GLT8D2: variants seen among roughly 807,000 people sequenced by gnomAD.
GLT8D2 encodes glycosyltransferase 8 domain containing 2.
Under a neutral mutation model 44.5 loss-of-function variants are expected in GLT8D2, and 45 were observed. The ratio of observed to expected loss-of-function variants is 1.01; its 90% confidence interval spans 0.80 to 1.30. The LOEUF (loss-of-function observed/expected upper bound fraction) is 1.30, where lower values mean the gene tolerates loss of function less well. GLT8D2 is among the 50% of genes most tolerant of loss of function. The pLI is 0.00. For synonymous variants in GLT8D2, 156 were observed against 157.2 expected (o/e 0.99, Z 0.06); for missense variants, 400 against 430.4 (o/e 0.93, Z 0.62).
At chr12:104,039,706 A>G (rs955057273) in intron 1 of GLT8D2, among the ~76,000 whole-genome samples, 5 of 152,198 alleles carry the variant, frequency 3.3e-5, no homozygotes, top group African/African-American at 9.7e-5. Context: ...TGGGAGTGTA[A>G]ACTGGTTCAA....
At chr12:103,997,214 G>T (rs1032165548) in intron 7 of GLT8D2, among the ~76,000 whole-genome samples, 4 of 152,200 alleles carry the variant, frequency 2.6e-5, no homozygotes, top group African/African-American at 9.7e-5. Flanking sequence ...ACAGGGAAAG[G>T]AAAGGCTACC....
chr12:104,062,618 C>T (rs141973321), intron 1 of GLT8D2, among the ~76,000 whole-genome samples: 1 of 152,130 alleles, frequency 6.6e-6, no homozygotes, highest in Non-Finnish European at 1.5e-5. Context: ...TTTTCTTCCA[C>T]TGGACTTGTA....
Position 104,003,378 on chromosome 12 carries a change from A to G in GLT8D2, c.113-72T>C, listed in dbSNP as rs1874516506. On this transcript the variant is annotated intron_variant, in intron 4 of 10. Coordinates refer to ENST00000360814, the MANE Select transcript of GLT8D2 (RefSeq NM_001384711.1). Reference sequence around the variant, plus strand: ...GTAGAGCCAGTTTAATGCATCTTCCATACTCCTGGGGGAAGATGGCATAGT... The same window carrying G: ...GTAGAGCCAGTTTAATGCATCTTCCGTACTCCTGGGGGAAGATGGCATAGT... 13 of 1,303,876 alleles carry G rather than the reference A, an allele frequency of 1.0e-5. No homozygotes were observed. In the Admixed American group the frequency reaches 1.4e-4, roughly 14 times the overall value. 80.8% of individuals were successfully genotyped at this position (1,303,876 alleles called of 1,614,324 possible). A position where few individuals can be genotyped will look rare whatever the true frequency, so the allele number is the denominator to read the frequency against.
At chr12:104,008,829 C>T (rs1198121769) in intron 4 of GLT8D2, among the ~76,000 whole-genome samples, 7 of 152,264 alleles carry the variant, frequency 4.6e-5, no homozygotes, top group Non-Finnish European at 8.8e-5. Flanking sequence ...CAACATAGGG[C>T]TTGCGCCATG....
chr12:104,012,170 CAA>C (rs10571369), intron 4 of GLT8D2, among the ~76,000 whole-genome samples: 11,235 of 82,306 alleles, frequency 0.14, 514 homozygotes, highest in East Asian at 0.21. Context: ...AACTCTGTCT[CAA>C]AAAAAAAAAA....
At chr12:103,990,559 G>T (rs1872633495) in intron 10 of GLT8D2, among the ~76,000 whole-genome samples, 1 of 152,070 alleles carries the variant, frequency 6.6e-6, no homozygotes, top group African/African-American at 2.4e-5. Flanking sequence ...CCATGAAAAG[G>T]AATTTGATAT....
intron 10 of GLT8D2, among the ~76,000 whole-genome samples, chr12:103,990,293 A>G (rs1872596619): frequency 6.6e-6 from 1 of 151,894 alleles, no homozygotes; most frequent in Non-Finnish European, 1.5e-5. Context: ...CACCTCCTTA[A>G]TGAAAAATGG....
chr12:104,016,878 GAAAGAAAAAT>G lies in GLT8D2; in HGVS notation c.20-1783_20-1774del, dbSNP rs1566199955. Among the ~76,000 whole-genome samples the G allele has an allele frequency of 5.2e-3, 735 of 141,820 alleles. 10 individuals carry two copies. The highest frequency in any genetic ancestry group is 9.8e-3 in the African/African-American group (364 of 37,324). The allele number at this position is 141,820 out of a possible 152,430, so 93.0% of individuals were successfully genotyped here. ...AGAAAGAAAGAAAGAAAGAAAGAAA[GAAAGAAAAAT>G]AAAGAGAGAAAGAAAGAAAGGAAGA... On this transcript the variant is annotated intron_variant, in intron 3 of 10. Transcript: ENST00000360814.
At chr12:103,995,652 T>C (rs1424576974) in intron 8 of GLT8D2, among the ~76,000 whole-genome samples, 1 of 152,248 alleles carries the variant, frequency 6.6e-6, no homozygotes, top group African/African-American at 2.4e-5. Context: ...TTTTGCTCAC[T>C]ATATTACTAG....
chr12:104,032,439 G>A (rs1879373042), intron 1 of GLT8D2, among the ~76,000 whole-genome samples: 1 of 92,682 alleles, frequency 1.1e-5, no homozygotes, highest in Non-Finnish European at 2.0e-5. Context: ...TTCCATATCA[G>A]TATAATAAAG....
chr12:104,050,771 G>T (rs971833980), upstream of GLT8D2, among the ~76,000 whole-genome samples: 1 of 151,876 alleles, frequency 6.6e-6, no homozygotes, highest in African/African-American at 2.4e-5. Context: ...TCTTTCTAAA[G>T]TGGTGCTCTC....
intron 1 of GLT8D2, among the ~76,000 whole-genome samples, chr12:104,038,058 A>C (rs1005560125): frequency 6.6e-6 from 1 of 152,234 alleles, no homozygotes; most frequent in African/African-American, 2.4e-5. Context: ...TGATTATTTC[A>C]ATAGATGCAG....
chr12:104,006,570 A>T (rs992039169), intron 4 of GLT8D2, among the ~76,000 whole-genome samples: 1 of 152,068 alleles, frequency 6.6e-6, no homozygotes, highest in East Asian at 1.9e-4. Flanking sequence ...ATGCCTCAGG[A>T]CCTTTTAGAC....
At chr12:104,019,744 G>A in intron 2 of GLT8D2, 68 bp from the exon 3 acceptor site, 1 of 965,554 alleles carries the variant, frequency 1.0e-6, no homozygotes, top group Non-Finnish European at 1.6e-6. Flanking sequence ...CAAGTGTTAA[G>A]GACTATGCCT....
intron 3 of GLT8D2, among the ~76,000 whole-genome samples, chr12:104,018,674 G>C (rs1233127099): frequency 1.3e-5 from 2 of 152,164 alleles, no homozygotes; most frequent in African/African-American, 4.8e-5. Flanking sequence ...AGGAGTTCAA[G>C]ACTAGCCTGG....
chr12:104,041,652 C>T (rs1880567275), intron 1 of GLT8D2, among the ~76,000 whole-genome samples: 1 of 152,144 alleles, frequency 6.6e-6, no homozygotes, highest in Non-Finnish European at 1.5e-5. Flanking sequence ...TAGGGGGTTC[C>T]CTTGACATTT....
intron 1 of GLT8D2, among the ~76,000 whole-genome samples, chr12:104,032,713 G>A (rs1879449091): frequency 6.6e-6 from 1 of 152,010 alleles, no homozygotes; most frequent in African/African-American, 2.4e-5. Flanking sequence ...ATTGCTAGTG[G>A]GAATGTAATT....
intron 1 of GLT8D2, among the ~76,000 whole-genome samples, chr12:104,024,943 G>A (rs1040451299): frequency 6.6e-5 from 10 of 151,626 alleles, no homozygotes; most frequent in Non-Finnish European, 1.2e-4. Context: ...GGTGGTGCAG[G>A]TCTGCAATCC....
chr12:104,007,233 G>GCTCTCTCTCTCT (rs57109528), intron 4 of GLT8D2, among the ~76,000 whole-genome samples: 1,990 of 66,328 alleles, frequency 0.03, 154 homozygotes, highest in Non-Finnish European at 0.036. Flanking sequence ...TATACTTAAA[G>GCTCTCTCTCTCT]CTCTCTCTCT....
Sources: allele counts gnomAD v4.1 joint callset (sites outside exome capture counted in the v4.1 genomes callset), GRCh38; gene constraint gnomAD v4.1.1; transcripts MANE v1.5; gene names NCBI Gene and HGNC (gene_info 2026-07-23, HGNC 2026-07-21).